SH3TC2: variants seen among roughly 807,000 people sequenced by gnomAD.
SH3TC2 encodes the protein SH3 domain and tetratricopeptide repeat-containing protein 2.
A neutral mutation model predicts 124.5 loss-of-function variants in SH3TC2; 87 were observed. The observed-to-expected ratio is 0.70, with a 90% CI of 0.59 to 0.84. The LOEUF (loss-of-function observed/expected upper bound fraction) is 0.84. Among genes scored for constraint, SH3TC2 ranks in the 40% least tolerant of loss-of-function variants. SH3TC2 has a pLI of 0.00. For missense variants in SH3TC2, 1,536 were observed against 1,566.4 expected, an observed-to-expected ratio of 0.98 and a Z score of 0.33; for synonymous variants, 634 against 628.5, an observed-to-expected ratio of 1.01 and a Z score of -0.13.
Position 149,007,085 on chromosome 5 carries a change from T to G in SH3TC2, c.3479-8A>C. ...GCTCTTGCCTCTGATCTCCTAAGAA[T>G]TGGAAGACTGAGAGAGATATCCTGC... On this transcript the variant is annotated splice_polypyrimidine_tract_variant and splice_region_variant and intron_variant, in intron 15 of 16. Transcript: ENST00000515425. The G allele has an allele frequency of 1.2e-6, 2 of 1,613,902 alleles. No individual in the cohort carries two copies. The highest frequency in any genetic ancestry group is 1.6e-4 in the Middle Eastern group (1 of 6,062).
rs111847467 is a variant in SH3TC2 at position 149,050,325 on chromosome 5, T to G, written c.151+1817A>C. On this transcript the variant is annotated intron_variant, in intron 2 of 16. Coordinates refer to ENST00000515425, the MANE Select transcript of SH3TC2 (RefSeq NM_024577.4). Reference sequence around the variant, plus strand: ...ATCCTTCTCAAAGTCAGTTCTGTAATTGTGATAATATGTCTGACTGATTCT... The same window carrying G: ...ATCCTTCTCAAAGTCAGTTCTGTAAGTGTGATAATATGTCTGACTGATTCT... Among the ~76,000 whole-genome samples the G allele has an allele frequency of 2.6e-3, 401 of 152,318 alleles. 1 individual carries two copies. The highest frequency in any genetic ancestry group is 9.3e-3 in the African/African-American group (387 of 41,570).
In SH3TC2 at chr5:149,027,572, C is replaced by T; in HGVS notation, c.2160G>A (p.Lys720=). The T allele has an allele frequency of 6.2e-7, 1 of 1,614,238 alleles. No homozygotes were observed. The highest frequency in any genetic ancestry group is 1.1e-5 in the South Asian group (1 of 91,082). ...QVHLVLQNTT[K]LLGFPSPGWG... is the part of the protein sequence containing the mutation. ...AGCCTGGGGAAGGAAAGCCAAGGAG[C>T]TTGGTTGTGTTCTGGAGGACAAGGT... Residue 720 remains lysine (K), a synonymous_variant, in exon 11 of 17, where the codon AAG becomes AAA. Coordinates refer to ENST00000515425, the MANE Select transcript of SH3TC2 (RefSeq NM_024577.4).
At chr5:149,028,854 G>T in intron 9 of SH3TC2, 136 bp from the exon 10 acceptor site, 1 of 871,814 alleles carries the variant, frequency 1.1e-6, no homozygotes, top group Non-Finnish European at 1.9e-6. Flanking sequence ...AAGGAACAGG[G>T]CAGAATTATC....
intron 16 of SH3TC2, among the ~76,000 whole-genome samples, chr5:149,006,518 C>T (rs1251900924): frequency 1.3e-5 from 2 of 152,024 alleles, no homozygotes; most frequent in Non-Finnish European, 2.9e-5. Context: ...CATTTTAGAC[C>T]TTATAGTTCT....
chr5:149,059,413 G>A (rs962515121), intron 1 of SH3TC2, among the ~76,000 whole-genome samples: 2 of 151,844 alleles, frequency 1.3e-5, no homozygotes, highest in Admixed American at 6.6e-5. Flanking sequence ...GCCTCTCTTT[G>A]CTCCTACCCA....
Position 148,995,963 on chromosome 5 carries a change from C to T in SH3TC2, c.*8748G>A, listed in dbSNP as rs190904760. Among the ~76,000 whole-genome samples the T allele has an allele frequency of 5.3e-5, 8 of 152,104 alleles. No homozygotes were observed. Among genetic ancestry groups the T allele is most frequent in the Non-Finnish European group, 4.4e-5 (3 of 68,000 alleles). On this transcript the variant is annotated 3_prime_UTR_variant, in exon 17 of 17. Transcript: ENST00000515425. The stretch of plus-strand genomic sequence containing the variant: ...AAAAAGAAAAAAGAGACCAACTGGC[C>T]GGGTGCCATGGCTCACACCTGTTAC...
intron 1 of SH3TC2, among the ~76,000 whole-genome samples, chr5:149,054,881 G>A (rs1230854125): frequency 6.6e-6 from 1 of 152,196 alleles, no homozygotes; most frequent in Non-Finnish European, 1.5e-5. Context: ...GGGCTTGTGA[G>A]GTGAGCCCAC....
intron 4 of SH3TC2, among the ~76,000 whole-genome samples, chr5:149,043,159 T>C (rs1378547706): frequency 6.6e-6 from 1 of 152,194 alleles, no homozygotes; most frequent in Non-Finnish European, 1.5e-5. Context: ...GTCTCCAAGT[T>C]TACAGTGTTG....
chr5:149,045,933 C>T (rs759527583), intron 3 of SH3TC2: 21 of 409,694 alleles, frequency 5.1e-5, no homozygotes, highest in Non-Finnish European at 9.2e-5. Context: ...GCGTGAGCCA[C>T]CGCACCCGGC....
In SH3TC2 at chr5:149,026,496, C is replaced by T. The variant is rs1754065119; in HGVS notation, c.3053+76G>A. 8.2e-6 allele frequency: 13 copies of T among 1,583,350 alleles called. 1 individual carries two copies. In the South Asian group the frequency reaches 1.2e-4, roughly 15 times the overall value. On this transcript the variant is annotated intron_variant, in intron 12 of 16. Transcript: ENST00000515425. ...CCTATACCATGTACATTTGGACTTGCTTCCTGTGGGAAAGAACACTGTTTC... is the reference window on the plus strand; with the variant it reads ...CCTATACCATGTACATTTGGACTTGTTTCCTGTGGGAAAGAACACTGTTTC...
chr5:148,994,523 T>C lies in SH3TC2; in HGVS notation c.*10188A>G, dbSNP rs562175947. 6.6e-6 allele frequency among the ~76,000 whole-genome samples: 1 copy of C among 152,210 alleles called. No homozygotes were observed. Among genetic ancestry groups the C allele is most frequent in the African/African-American group, 2.4e-5 (1 of 41,516 alleles). On this transcript the variant is annotated 3_prime_UTR_variant, in exon 17 of 17. Coordinates refer to ENST00000515425, the MANE Select transcript of SH3TC2 (RefSeq NM_024577.4). ...ATTATCTTGCTCACTGGATTGTGAG[T>C]TTAGCACATGAGAGGTGTTGAATAT...
In SH3TC2 at chr5:148,983,179, G is replaced by T. The variant is rs763141563; in HGVS notation, c.*21532C>A. Among the ~76,000 whole-genome samples, 2 of 152,244 alleles carry T rather than the reference G, an allele frequency of 1.3e-5. No individual in the cohort carries two copies. Among genetic ancestry groups the T allele is most frequent in the Non-Finnish European group, 2.9e-5 (2 of 68,040 alleles). On this transcript the variant is annotated 3_prime_UTR_variant, in exon 17 of 17. Coordinates refer to ENST00000515425, the MANE Select transcript of SH3TC2 (RefSeq NM_024577.4). ...GCACATGCTGTATAAAACATGTCCT[G>T]TTAAAAGCATTTTGAGTACAGTATT...
Position 148,991,616 on chromosome 5 carries a change from C to A in SH3TC2, c.*13095G>T, listed in dbSNP as rs1282727057. Among the ~76,000 whole-genome samples, 1 of 152,196 alleles carries A rather than the reference C, an allele frequency of 6.6e-6. No individual in the cohort carries two copies. Among genetic ancestry groups the A allele is most frequent in the East Asian group, 1.9e-4 (1 of 5,198 alleles). On this transcript the variant is annotated 3_prime_UTR_variant, in exon 17 of 17. Transcript: ENST00000515425. ...ATCAAGTAGTCTCCAGACATTGCAGCTGGGTGGTTGAAATGCTTGCTCTGG... is the reference window on the plus strand; with the variant it reads ...ATCAAGTAGTCTCCAGACATTGCAGATGGGTGGTTGAAATGCTTGCTCTGG...
At chr5:149,061,879 C>A (rs534724756) in intron 1 of SH3TC2, among the ~76,000 whole-genome samples, 1 of 152,044 alleles carries the variant, frequency 6.6e-6, no homozygotes, top group African/African-American at 2.4e-5. Context: ...TAGCTAAAGT[C>A]GTGCCTTTTG....
At chr5:149,026,040 C>A in intron 12 of SH3TC2, 1 of 154,354 alleles carries the variant, frequency 6.5e-6, no homozygotes, top group Non-Finnish European at 1.4e-5. Context: ...AGGTAAGTTC[C>A]CGATAAAACT....
chr5:149,059,069 A>G (rs568354313), intron 1 of SH3TC2, among the ~76,000 whole-genome samples: 10 of 152,290 alleles, frequency 6.6e-5, no homozygotes, highest in Admixed American at 5.2e-4. Flanking sequence ...AGGCATCTTG[A>G]CATATTGAAT....
At chr5:149,014,294 AG>A (rs1416303648) in intron 12 of SH3TC2, among the ~76,000 whole-genome samples, 12 of 152,222 alleles carry the variant, frequency 7.9e-5, no homozygotes, top group Admixed American at 7.8e-4. Flanking sequence ...AGACACATCC[AG>A]GTTACACTCC....
rs1019759023 is a variant in SH3TC2 at position 148,994,010 on chromosome 5, A to T, written c.*10701T>A. Among the ~76,000 whole-genome samples, 2 of 152,236 alleles carry T rather than the reference A, an allele frequency of 1.3e-5. No homozygotes were observed. The highest frequency in any genetic ancestry group is 4.8e-5 in the African/African-American group (2 of 41,466). ...TCATCTCCATTTGCCAATGATAAAC[A>T]TGAAGCACCAAGAGCTTAACAACTT... On this transcript the variant is annotated 3_prime_UTR_variant, in exon 17 of 17. Transcript: ENST00000515425.
At chr5:149,019,504 T>C (rs1429623126) in intron 12 of SH3TC2, among the ~76,000 whole-genome samples, 1 of 152,150 alleles carries the variant, frequency 6.6e-6, no homozygotes, top group Admixed American at 6.6e-5. Context: ...ATTTATTTCC[T>C]CCCAATTGTA....
Sources: gnomAD v4.1 joint callset for allele counts (sites outside exome capture counted in the v4.1 genomes callset) on GRCh38, gnomAD v4.1.1 for gene constraint, MANE v1.5 for transcripts, NCBI Gene and HGNC (gene_info 2026-07-23, HGNC 2026-07-21) for gene names.